Variants in GNAQ observed in about 807,000 individuals in gnomAD.
GNAQ encodes guanine nucleotide-binding protein G(q) subunit alpha.
In GNAQ, 8 loss-of-function variants were observed where a neutral mutation model predicts 43.9. That is an observed-to-expected ratio of 0.18 (90% CI 0.11 to 0.33). GNAQ has a LOEUF of 0.33. GNAQ is among the 10% of genes least tolerant of loss of function. GNAQ has a pLI of 1.00. For synonymous variants in GNAQ, 155 were observed against 170.7 expected (o/e 0.91, Z 0.71); for missense variants, 158 against 450.8 (o/e 0.35, Z 5.88).
intron 2 of GNAQ, among the ~76,000 whole-genome samples, chr9:77,881,304 G>A (rs1036164247): frequency 6.6e-6 from 1 of 152,216 alleles, no homozygotes; most frequent in Admixed American, 6.5e-5. Flanking sequence ...CGTATCCCAA[G>A]CACCCCGAAC....
At chr9:77,799,419 C>T (rs1826708450) in intron 3 of GNAQ, among the ~76,000 whole-genome samples, 2 of 152,256 alleles carry the variant, frequency 1.3e-5, no homozygotes, top group South Asian at 2.1e-4. Flanking sequence ...GACTCTGACA[C>T]ACTCATCTTT....
At chr9:77,869,959 A>G (rs1299526713) in intron 2 of GNAQ, among the ~76,000 whole-genome samples, 2 of 152,238 alleles carry the variant, frequency 1.3e-5, no homozygotes, top group African/African-American at 4.8e-5. Flanking sequence ...CTACATGTGT[A>G]TAGACATAGA....
At chr9:77,889,559 G>T (rs1323329776) in intron 2 of GNAQ, among the ~76,000 whole-genome samples, 1 of 151,170 alleles carries the variant, frequency 6.6e-6, no homozygotes, top group Non-Finnish European at 1.5e-5. Flanking sequence ...CTCAAAGAAG[G>T]ATCAACTGTC....
At chr9:77,994,065 G>A (rs945300777) in intron 1 of GNAQ, among the ~76,000 whole-genome samples, 3 of 152,166 alleles carry the variant, frequency 2.0e-5, no homozygotes, top group African/African-American at 7.2e-5. Context: ...TGCCCAGGCT[G>A]GAGTGTAGTG....
At chr9:77,983,248 G>A (rs189453232) in intron 1 of GNAQ, among the ~76,000 whole-genome samples, 44 of 152,196 alleles carry the variant, frequency 2.9e-4, no homozygotes, top group Admixed American at 1.8e-3. Flanking sequence ...TGTATCTGTG[G>A]AGTGCTGAGC....
intron 2 of GNAQ, among the ~76,000 whole-genome samples, chr9:77,837,779 A>T (rs1026887672): frequency 1.3e-5 from 2 of 152,186 alleles, no homozygotes; most frequent in African/African-American, 4.8e-5. Context: ...CTATGTGCAT[A>T]AATTCCTAAA....
At position 78,031,695 on chromosome 9, in the gene GNAQ, C is replaced by T. The variant is rs1016003437; in HGVS notation, c.-460G>A. Reference sequence around the variant, plus strand: ...CAGCGAGCGGCCGCCGACGGCTCCCCGCGCCCGGCGCGCCCGCTCCTCGCC... The same window carrying T: ...CAGCGAGCGGCCGCCGACGGCTCCCTGCGCCCGGCGCGCCCGCTCCTCGCC... On this transcript the variant is annotated 5_prime_UTR_variant, in exon 1 of 7. Coordinates refer to ENST00000286548, the MANE Select transcript of GNAQ (RefSeq NM_002072.5). 9.7e-4 allele frequency among the ~76,000 whole-genome samples: 143 copies of T among 147,472 alleles called. 1 individual carries two copies. The highest frequency in any genetic ancestry group is 3.2e-3 in the African/African-American group (132 of 41,008).
chr9:78,018,015 C>G (rs1042370530), intron 1 of GNAQ, among the ~76,000 whole-genome samples: 5 of 151,676 alleles, frequency 3.3e-5, no homozygotes, highest in African/African-American at 9.7e-5. Flanking sequence ...TGTGTATAAC[C>G]AAGGTTGTAA....
chr9:77,755,198 T>C (rs1564100629), intron 5 of GNAQ, among the ~76,000 whole-genome samples: 3 of 152,218 alleles, frequency 2.0e-5, no homozygotes, highest in South Asian at 2.1e-4. Context: ...TTCATGCAGA[T>C]AGAGAGCAGA....
At chr9:77,890,263 A>C (rs923214468) in intron 2 of GNAQ, among the ~76,000 whole-genome samples, 18 of 152,190 alleles carry the variant, frequency 1.2e-4, no homozygotes, top group Non-Finnish European at 2.6e-4. Context: ...ACCCCTAAAA[A>C]ACTTGAGAGT....
At chr9:77,839,618 TG>T (rs374136948) in intron 2 of GNAQ, among the ~76,000 whole-genome samples, 6 of 152,352 alleles carry the variant, frequency 3.9e-5, no homozygotes, top group African/African-American at 1.4e-4. Flanking sequence ...CAGCATGGGC[TG>T]CCTGCCCTGA....
intron 1 of GNAQ, among the ~76,000 whole-genome samples, 182 bp downstream of exon 1, chr9:78,030,918 T>C (rs975289379): frequency 2.0e-5 from 3 of 149,804 alleles, no homozygotes; most frequent in Non-Finnish European, 4.5e-5. Context: ...TGTGTGTGTG[T>C]GTCTGTGTGT....
intron 5 of GNAQ, among the ~76,000 whole-genome samples, chr9:77,744,420 T>G (rs888621750): frequency 6.6e-6 from 1 of 152,320 alleles, no homozygotes; most frequent in East Asian, 1.9e-4. Flanking sequence ...TGGGCACTTA[T>G]AACTATATTC....
chr9:77,995,770 C>T (rs1823560036), intron 1 of GNAQ, among the ~76,000 whole-genome samples: 1 of 152,132 alleles, frequency 6.6e-6, no homozygotes, highest in African/African-American at 2.4e-5. Flanking sequence ...CATGACCACA[C>T]CTGACCCAAC....
chr9:77,788,583 CAT>C (rs1320022554), intron 5 of GNAQ, among the ~76,000 whole-genome samples: 1 of 152,088 alleles, frequency 6.6e-6, no homozygotes, highest in Non-Finnish European at 1.5e-5. Context: ...GAGGGCTACA[CAT>C]AGTCTTTAAT....
chr9:77,969,809 G>C (rs543270679), intron 1 of GNAQ, among the ~76,000 whole-genome samples: 4 of 152,262 alleles, frequency 2.6e-5, no homozygotes, highest in African/African-American at 9.6e-5. Context: ...TAAATGTAAG[G>C]CAAAAGGAGC....
chr9:77,867,098 A>T (rs1264351663), intron 2 of GNAQ, among the ~76,000 whole-genome samples: 1 of 151,910 alleles, frequency 6.6e-6, no homozygotes, highest in Non-Finnish European at 1.5e-5. Context: ...CATCTTCCCT[A>T]CCCTTCACTT....
intron 2 of GNAQ, among the ~76,000 whole-genome samples, chr9:77,912,668 G>A (rs1828827634): frequency 6.6e-6 from 1 of 151,992 alleles, no homozygotes. Flanking sequence ...TAATATAAAA[G>A]GAACTCCTAC....
intron 5 of GNAQ, among the ~76,000 whole-genome samples, chr9:77,767,391 C>T (rs1826153645): frequency 1.3e-5 from 2 of 152,090 alleles, no homozygotes; most frequent in Non-Finnish European, 2.9e-5. Flanking sequence ...AATTAGCCTC[C>T]CCCTAACTCT....
Sources: allele counts gnomAD v4.1 joint callset (sites outside exome capture counted in the v4.1 genomes callset), GRCh38; gene constraint gnomAD v4.1.1; transcripts MANE v1.5; gene names NCBI Gene and HGNC (gene_info 2026-07-23, HGNC 2026-07-21).